Variants in ZNF229 observed in about 807,000 individuals in gnomAD.
ZNF229 encodes zinc finger protein 229.
Under a neutral mutation model 11.8 loss-of-function variants are expected in ZNF229, and 10 were observed. The observed-to-expected ratio is 0.85, with a 90% CI of 0.52 to 1.44. The LOEUF is 1.44. ZNF229 is among the 40% of genes most tolerant of loss of function. The pLI is 0.00. For missense variants in ZNF229, 1,045 were observed against 1,015.1 expected (o/e 1.03, Z -0.40); for synonymous variants, 368 against 374.8 (o/e 0.98, Z 0.21).
Position 44,429,471 on chromosome 19 carries a change from T to G in ZNF229, c.1310A>C (p.Glu437Ala). The G allele has an allele frequency of 6.2e-7, 1 of 1,613,616 alleles. No individual in the cohort carries two copies. The highest frequency in any genetic ancestry group is 8.5e-7 in the Non-Finnish European group (1 of 1,179,918). ...CTTGGCACAGAAGCCTTTGCCACACTCGCTGCAGGTGTAGGGCTTCTCCCC... is the reference window on the plus strand; with the variant it reads ...CTTGGCACAGAAGCCTTTGCCACACGCGCTGCAGGTGTAGGGCTTCTCCCC... ...HTGEKPYTCS[E>A]CGKGFCAKSA... The change falls in exon 6 of 6, where the codon GAG becomes GCG. Residue 437 changes from glutamate to alanine, a missense_variant. Coordinates refer to ENST00000614049, the MANE Select transcript of ZNF229 (RefSeq NM_014518.4).
rs370611070 is a variant in ZNF229 at position 44,429,571 on chromosome 19, G to C, written c.1210C>G (p.Pro404Ala). ...TTCCCACACTCGCTGCATTTATATG[G>C]TTTCTCTCCAGTGTGGACCCTCTGA... ...VHQRVHTGEK[P>A]YKCSECGKGF... Residue 404 changes from proline to alanine, a missense_variant, in exon 6 of 6, where the codon CCA becomes GCA. By Grantham distance (27) the Pro-to-Ala change is conservative. Transcript: ENST00000614049. The C allele has an allele frequency of 5.0e-6, 8 of 1,613,894 alleles. No individual in the cohort carries two copies. In the African/African-American group the frequency reaches 6.7e-5, roughly 13 times the overall value.
chr19:44,433,099 G>A (rs2123352536), intron 4 of ZNF229, among the ~76,000 whole-genome samples: 1 of 152,044 alleles, frequency 6.6e-6, no homozygotes, highest in South Asian at 2.1e-4. Context: ...TGTAGCTCAG[G>A]ATGGCATGCA....
At chr19:44,436,407 A>T (rs991907431) in intron 4 of ZNF229, among the ~76,000 whole-genome samples, 13 of 151,834 alleles carry the variant, frequency 8.6e-5, no homozygotes, top group Admixed American at 5.3e-4. Context: ...AAACCACCAT[A>T]AAAAAAGGGC....
Position 44,429,279 on chromosome 19 carries a change from TTG to T in ZNF229, c.1500_1501del (p.His500GlnfsTer20). On this transcript the variant is annotated frameshift_variant, in exon 6 of 6. Transcript: ENST00000614049. LOFTEE classifies it low-confidence loss of function (END_TRUNC). ...TCTCTGGTGAGCTTGAAGGTACGAG[TTG>T]TGACTGAAACCTTTGCCACACTTGT... The T allele has an allele frequency of 6.2e-7, 1 of 1,613,640 alleles. No homozygotes were observed. Among genetic ancestry groups the T allele is most frequent in the Non-Finnish European group, 8.5e-7 (1 of 1,179,904 alleles).
chr19:44,443,217 AG>A (rs1971947037), intron 2 of ZNF229, among the ~76,000 whole-genome samples, 193 bp from the exon 3 acceptor site: 1 of 152,232 alleles, frequency 6.6e-6, no homozygotes. Context: ...GGACAGTCAC[AG>A]AAGAGTCTGT....
At position 44,429,479 on chromosome 19, in the gene ZNF229, G is replaced by T. The variant is rs1014862966; in HGVS notation, c.1302C>A (p.Thr434=). ...QRLHTGEKPY[T]CSECGKGFCA... ...AGAAGCCTTTGCCACACTCGCTGCA[G>T]GTGTAGGGCTTCTCCCCTGTGTGCA... is the stretch of plus-strand genomic sequence containing the variant. Residue 434 remains threonine (T), a synonymous_variant, in exon 6 of 6, where the codon ACC becomes ACA. Transcript: ENST00000614049. 6.2e-7 allele frequency: 1 copy of T among 1,611,488 alleles called. No homozygotes were observed. The highest frequency in any genetic ancestry group is 1.4e-5 in the African/African-American group (1 of 74,046).
chr19:44,432,419 G>A, intron 4 of ZNF229, 53 bp from the exon 5 acceptor site: 3 of 1,598,230 alleles, frequency 1.9e-6, no homozygotes, highest in South Asian at 2.3e-5. Context: ...ACAAACTGGT[G>A]TCCACAGAGC....
In ZNF229 at chr19:44,433,266, C is replaced by T. The variant is rs905354342; in HGVS notation, c.94-900G>A. On this transcript the variant is annotated intron_variant, in intron 4 of 5. Coordinates refer to ENST00000614049, the MANE Select transcript of ZNF229 (RefSeq NM_014518.4). ...GAGATGGGACCTTGCTATGTTGCTC[C>T]GGCTGGTCTCAAATTCATGGCTTCA... Among the ~76,000 whole-genome samples, 93 of 151,984 alleles carry T rather than the reference C, an allele frequency of 6.1e-4. 1 individual carries two copies. The highest frequency in any genetic ancestry group is 1.9e-3 in the African/African-American group (78 of 41,308).
intron 4 of ZNF229, 140 bp downstream of exon 4, chr19:44,442,423 C>A: frequency 1.2e-6 from 1 of 802,838 alleles, no homozygotes; most frequent in South Asian, 1.7e-5. Context: ...TGTCTCACAT[C>A]ACTATTTTGT....
In ZNF229 at chr19:44,428,973, T is replaced by C; in HGVS notation, c.1808A>G (p.Asp603Gly). The C allele has an allele frequency of 4.3e-6, 7 of 1,612,332 alleles. No individual in the cohort carries two copies. The highest frequency in any genetic ancestry group is 5.9e-6 in the Non-Finnish European group (7 of 1,179,448). ...VHTGERPYVC[D>G]VCGKGFIYSS... ...GTAGATGAAACCCTTCCCACACACG[T>C]CACACACGTAGGGCCTCTCTCCCGT... Residue 603 changes from aspartate to glycine, a missense_variant, in exon 6 of 6, where the codon GAC (aspartate) becomes GGC (glycine). Asp to Gly is a moderately conservative substitution (Grantham distance 94). Coordinates refer to ENST00000614049, the MANE Select transcript of ZNF229 (RefSeq NM_014518.4).
At chr19:44,445,170 C>T (rs1971982274) in intron 2 of ZNF229, among the ~76,000 whole-genome samples, 1 of 152,198 alleles carries the variant, frequency 6.6e-6, no homozygotes, top group Non-Finnish European at 1.5e-5. Context: ...CAAATACCTA[C>T]AAATCAGAAC....
chr19:44,442,827 C>G lies in ZNF229; in HGVS notation c.21G>C (p.Arg7Ser). Reference sequence around the variant, plus strand: ...ATTAGCTGTCACCTCTTTTCTCATGCCTTGAGGTCAAAGTCTCCATGGTCT... The same window carrying G: ...ATTAGCTGTCACCTCTTTTCTCATGGCTTGAGGTCAAAGTCTCCATGGTCT... METLTS[R>S]HEKRALHSQA... The change falls in exon 3 of 6, where the codon AGG (arginine) becomes AGC (serine). Residue 7 changes from arginine to serine, a missense_variant. Physicochemically the swap from Arg to Ser is moderately radical, Grantham distance 110. Coordinates refer to ENST00000614049, the MANE Select transcript of ZNF229 (RefSeq NM_014518.4). 6.3e-7 allele frequency: 1 copy of G among 1,588,618 alleles called. No individual in the cohort carries two copies. The highest frequency in any genetic ancestry group is 2.3e-5 in the East Asian group (1 of 44,158).
Position 44,430,481 on chromosome 19 carries a change from G to C in ZNF229, c.300C>G (p.His100Gln), listed in dbSNP as rs578099653. Residue 100 changes from histidine (H) to glutamine (Q), a missense_variant, in exon 6 of 6, where the codon CAC becomes CAG. Physicochemically the swap from His to Gln is conservative, Grantham distance 24. Transcript: ENST00000614049. ...AGATTTTGCATGAGGAGAGCTCTTT[G>C]TGTGAAAAGAACCTTAATTCTTCAT... ...IQDEELRFFS[H>Q]KELSSCKIWE... 8 of 1,613,960 alleles carry C rather than the reference G, an allele frequency of 5.0e-6. No individual in the cohort carries two copies. In the African/African-American group the frequency reaches 1.1e-4, roughly 22 times the overall value.
chr19:44,438,059 A>AC (rs1046249476), intron 4 of ZNF229, among the ~76,000 whole-genome samples: 1 of 152,014 alleles, frequency 6.6e-6, no homozygotes, highest in Non-Finnish European at 1.5e-5. Flanking sequence ...TGTACAACAA[A>AC]CCCCCATGCC....
chr19:44,442,797 C>CCCCCCA lies in ZNF229; in HGVS notation c.34+16_34+17insTGGGGG. The CCCCCCA allele has an allele frequency of 6.3e-7, 1 of 1,581,642 alleles. No individual in the cohort carries two copies. Among genetic ancestry groups the CCCCCCA allele is most frequent in the Non-Finnish European group, 8.7e-7 (1 of 1,150,694 alleles). ...GTTTGGATTCTCCCCCCACCCACCC[C>CCCCCCA]CTCTATTAGCTGTCACCTCTTTTCT... On this transcript the variant is annotated intron_variant, in intron 3 of 5. Coordinates refer to ENST00000614049, the MANE Select transcript of ZNF229 (RefSeq NM_014518.4).
intron 2 of ZNF229, among the ~76,000 whole-genome samples, chr19:44,444,315 G>C (rs1409934011): frequency 6.6e-6 from 1 of 152,062 alleles, no homozygotes; most frequent in Non-Finnish European, 1.5e-5. Flanking sequence ...TCTACTCTAG[G>C]ACACTCACTG....
rs1971670735 is a variant in ZNF229, at chr19:44,429,626, T to C, written c.1155A>G (p.Ala385=). 2 of 1,613,866 alleles carry C rather than the reference T, an allele frequency of 1.2e-6. No homozygotes were observed. The highest frequency in any genetic ancestry group is 8.5e-7 in the Non-Finnish European group (1 of 1,179,968). The change falls in exon 6 of 6, where the codon GCA becomes GCG. Residue 385 remains alanine, a synonymous_variant. Coordinates refer to ENST00000614049, the MANE Select transcript of ZNF229 (RefSeq NM_014518.4). The stretch of plus-strand genomic sequence containing the variant: ...CAAGCAGGTTTGAACTTCGACCAAA[T>C]GCCTTCCCACACTCCTCACATTTAT... ...RPYKCEECGK[A]FGRSSNLLVH...
rs180796375 is a variant in ZNF229 at position 44,443,165 on chromosome 19, G to A, written c.-177-141C>T. 3.5e-5 allele frequency: 13 copies of A among 370,752 alleles called. No individual in the cohort carries two copies. The East Asian group carries it at 5.4e-4, about 15-fold the overall frequency. 23.0% of individuals were successfully genotyped at this position (370,752 alleles called of 1,614,324 possible). Reference sequence around the variant, plus strand: ...TTAGGTTTAGTCCCCTACTCTGAAGGGGCTCATAGTCCACAAAGCCAAGAG... The same window carrying A: ...TTAGGTTTAGTCCCCTACTCTGAAGAGGCTCATAGTCCACAAAGCCAAGAG... On this transcript the variant is annotated intron_variant, in intron 2 of 5. Coordinates refer to ENST00000614049, the MANE Select transcript of ZNF229 (RefSeq NM_014518.4).
At position 44,428,715 on chromosome 19, in the gene ZNF229, C is replaced by T. The variant is rs1314056598; in HGVS notation, c.2066G>A (p.Cys689Tyr). 2.5e-6 allele frequency: 4 copies of T among 1,613,824 alleles called. No individual in the cohort carries two copies. The highest frequency in any genetic ancestry group is 3.4e-6 in the Non-Finnish European group (4 of 1,180,006). ...TGKKPYTCDQ[C>Y]GKGFSYGSNL... ...AGAGCCATAACTGAATCCCTTGCCACACTGATCACACGTATAGGGCTTTTT... is the reference window on the plus strand; with the variant it reads ...AGAGCCATAACTGAATCCCTTGCCATACTGATCACACGTATAGGGCTTTTT... Residue 689 changes from cysteine (C) to tyrosine (Y), a missense_variant, in exon 6 of 6, where the codon TGT (cysteine) becomes TAT (tyrosine). Cys to Tyr is a radical substitution (Grantham distance 194). Transcript: ENST00000614049.
Sources: gnomAD v4.1 joint callset for allele counts (sites outside exome capture counted in the v4.1 genomes callset) on GRCh38, gnomAD v4.1.1 for gene constraint, MANE v1.5 for transcripts, NCBI Gene and HGNC (gene_info 2026-07-23, HGNC 2026-07-21) for gene names.